Variants in SGMS1 observed in about 807,000 individuals in gnomAD.
SGMS1 encodes the protein phosphatidylcholine:ceramide cholinephosphotransferase 1.
Under a neutral mutation model 46.2 loss-of-function variants are expected in SGMS1, and 13 were observed. The ratio of observed to expected loss-of-function variants is 0.28; its 90% CI spans 0.18 to 0.45. SGMS1 has a LOEUF of 0.45. Ranked by LOEUF, SGMS1 falls within the 20% of genes least tolerant of loss-of-function variation. The pLI, the probability that SGMS1 is intolerant of heterozygous loss-of-function variation, is 1.00. For missense variants in SGMS1, 324 were observed against 519.9 expected, an observed-to-expected ratio of 0.62 and a Z score of 3.66; for synonymous variants, 203 against 187.8, an observed-to-expected ratio of 1.08 and a Z score of -0.66.
At chr10:50,606,175 A>G (rs559050151) in intron 1 of SGMS1, among the ~76,000 whole-genome samples, 3 of 152,348 alleles carry the variant, frequency 2.0e-5, no homozygotes, top group East Asian at 3.9e-4. Context: ...ATTCTGACAC[A>G]TGCTACAATA....
chr10:50,411,436 A>G (rs1849099220), intron 6 of SGMS1, among the ~76,000 whole-genome samples: 1 of 152,248 alleles, frequency 6.6e-6, no homozygotes, highest in Non-Finnish European at 1.5e-5. Context: ...GCACAAGTCT[A>G]GAACTTGGGA....
intron 1 of SGMS1, among the ~76,000 whole-genome samples, chr10:50,594,819 A>G (rs983273171): frequency 2.0e-5 from 3 of 152,256 alleles, no homozygotes; most frequent in African/African-American, 7.2e-5. Context: ...ATGGGAAGAA[A>G]CAATGGCAGT....
intron 1 of SGMS1, among the ~76,000 whole-genome samples, chr10:50,593,531 G>T (rs1838562332): frequency 6.6e-6 from 1 of 151,656 alleles, no homozygotes; most frequent in African/African-American, 2.4e-5. Context: ...GTGTGTGTGT[G>T]TCTTTCCTGA....
At chr10:50,568,983 T>C (rs1838314286) in intron 2 of SGMS1, among the ~76,000 whole-genome samples, 1 of 151,890 alleles carries the variant, frequency 6.6e-6, no homozygotes, top group Non-Finnish European at 1.5e-5. Flanking sequence ...AAAGGGTGAG[T>C]TCATGTCCTT....
At position 50,330,628 on chromosome 10, in the gene SGMS1, C is replaced by T. The variant is rs372636016; in HGVS notation, c.624-3306G>A. Among the ~76,000 whole-genome samples, 99 of 152,338 alleles carry T rather than the reference C, an allele frequency of 6.5e-4. 2 individuals carry two copies. The highest frequency in any genetic ancestry group is 2.3e-3 in the African/African-American group (96 of 41,582). ...AAGACATACACAGCTCTTTCAGTGC[C>T]CAGACCTGGCCTCCTAGCTCTTTCT... On this transcript the variant is annotated intron_variant, in intron 7 of 10. Transcript: ENST00000361781.
chr10:50,440,147 G>T (rs1306854785), intron 5 of SGMS1, among the ~76,000 whole-genome samples: 1 of 151,922 alleles, frequency 6.6e-6, no homozygotes, highest in Non-Finnish European at 1.5e-5. Context: ...ATAGTAACTG[G>T]TTTTTCTGTG....
At chr10:50,408,589 A>G (rs553859832) in intron 6 of SGMS1, among the ~76,000 whole-genome samples, 81 of 152,250 alleles carry the variant, frequency 5.3e-4, no homozygotes, top group Middle Eastern at 3.4e-3. Flanking sequence ...AGGCTGAGGC[A>G]GGAGAATCGC....
At chr10:50,329,088 GC>G (rs1479144145) in intron 7 of SGMS1, among the ~76,000 whole-genome samples, 3 of 152,058 alleles carry the variant, frequency 2.0e-5, no homozygotes, top group Non-Finnish European at 4.4e-5. Context: ...TAAAATTATT[GC>G]TTTTGCTAAA....
At position 50,305,843 on chromosome 10, in the gene SGMS1, T is replaced by C. The variant is rs980451373; in HGVS notation, c.*1299A>G. Reference sequence around the variant, plus strand: ...CTGCACGTAAAATACAGAATGGATATATATACTTCTTCATTCTTAAAAAAC... The same window carrying C: ...CTGCACGTAAAATACAGAATGGATACATATACTTCTTCATTCTTAAAAAAC... On this transcript the variant is annotated 3_prime_UTR_variant, in exon 11 of 11. Transcript: ENST00000361781. 2.6e-5 allele frequency: 4 copies of C among 152,736 alleles called. No individual in the cohort carries two copies. The highest frequency in any genetic ancestry group is 9.6e-5 in the African/African-American group (4 of 41,464). 9.5% of individuals were successfully genotyped at this position (152,736 alleles called of 1,614,324 possible). A position where few individuals can be genotyped will look rare whatever the true frequency, so the allele number is the denominator to read the frequency against.
chr10:50,330,891 A>C (rs2133324293), intron 7 of SGMS1, among the ~76,000 whole-genome samples: 1 of 152,302 alleles, frequency 6.6e-6, no homozygotes, highest in East Asian at 1.9e-4. Flanking sequence ...CTTTACATAG[A>C]TGCTAGTTTT....
chr10:50,576,671 A>G (rs1245950032), intron 2 of SGMS1, among the ~76,000 whole-genome samples: 3 of 152,016 alleles, frequency 2.0e-5, no homozygotes, highest in African/African-American at 7.3e-5. Flanking sequence ...CTGTCTCATA[A>G]TAGCTCACAA....
intron 5 of SGMS1, among the ~76,000 whole-genome samples, chr10:50,447,576 T>C (rs543832418): frequency 3.9e-5 from 6 of 152,270 alleles, no homozygotes; most frequent in Non-Finnish European, 7.4e-5. Context: ...TGTAAACATA[T>C]TTCTTAGCTC....
chr10:50,363,216 G>A (rs1047698008), intron 6 of SGMS1, among the ~76,000 whole-genome samples: 4 of 152,202 alleles, frequency 2.6e-5, no homozygotes, highest in African/African-American at 9.6e-5. Flanking sequence ...CAGTCGAAGA[G>A]AACAGAAGAG....
intron 2 of SGMS1, among the ~76,000 whole-genome samples, chr10:50,548,858 GA>G (rs201172721): frequency 5.7e-4 from 85 of 149,106 alleles, no homozygotes; most frequent in Non-Finnish European, 9.8e-4. Flanking sequence ...AAATTTACAA[GA>G]AAAAAAAACC....
At chr10:50,460,009 G>T (rs1837244637) in intron 5 of SGMS1, 1 of 152,116 alleles carries the variant, frequency 6.6e-6, no homozygotes, top group Admixed American at 6.5e-5. Flanking sequence ...AAGGATCACG[G>T]TGACATATGA....
At chr10:50,406,739 C>T (rs1053971546) in intron 6 of SGMS1, among the ~76,000 whole-genome samples, 1 of 146,998 alleles carries the variant, frequency 6.8e-6, no homozygotes, top group Non-Finnish European at 1.5e-5. Context: ...GGGTCTTCCT[C>T]TATCACCCAG....
At chr10:50,311,696 A>G (rs1160058377) in intron 8 of SGMS1, among the ~76,000 whole-genome samples, 2 of 152,242 alleles carry the variant, frequency 1.3e-5, no homozygotes, top group Non-Finnish European at 2.9e-5. Flanking sequence ...AAAAATTACA[A>G]TGACAGAGAA....
Position 50,480,552 on chromosome 10 carries a change from A to G in SGMS1, c.-497-13620T>C, listed in dbSNP as rs115301712. On this transcript the variant is annotated intron_variant, in intron 3 of 10. Coordinates refer to ENST00000361781, the MANE Select transcript of SGMS1 (RefSeq NM_147156.4). ...CTGCACAGGGCAAGGGGAACTCCCA[A>G]CCCCAGCCAGGGGAGGCATTAAGTG... Among the ~76,000 whole-genome samples, 489 of 152,154 alleles carry G rather than the reference A, an allele frequency of 3.2e-3. 1 individual carries two copies. Among genetic ancestry groups the G allele is most frequent in the African/African-American group, 0.011 (468 of 41,536 alleles).
In SGMS1 at chr10:50,529,223, T is replaced by C. The variant is rs545966202; in HGVS notation, c.-588-9302A>G. Reference sequence around the variant, plus strand: ...AATTACTTGTAAACATTTTTGTTTATGGTTTTCTATGTGTCACCTGTCCTT... The same window carrying C: ...AATTACTTGTAAACATTTTTGTTTACGGTTTTCTATGTGTCACCTGTCCTT... On this transcript the variant is annotated intron_variant, in intron 2 of 10. Coordinates refer to ENST00000361781, the MANE Select transcript of SGMS1 (RefSeq NM_147156.4). Among the ~76,000 whole-genome samples, 4 of 152,378 alleles carry C rather than the reference T, an allele frequency of 2.6e-5. No homozygotes were observed. In the East Asian group the frequency reaches 7.7e-4, roughly 29 times the overall value.
Sources: allele counts gnomAD v4.1 joint callset (sites outside exome capture counted in the v4.1 genomes callset), GRCh38; gene constraint gnomAD v4.1.1; transcripts MANE v1.5; gene names NCBI Gene and HGNC (gene_info 2026-07-23, HGNC 2026-07-21).